Variants in KANSL3 observed in about 807,000 individuals in gnomAD.
KANSL3 encodes KAT8 regulatory NSL complex subunit 3.
Under a neutral mutation model 89.2 loss-of-function variants are expected in KANSL3, and 16 were observed. The ratio of observed to expected loss-of-function variants is 0.18; its 90% CI spans 0.12 to 0.27. The LOEUF is 0.27. Ranked by LOEUF, KANSL3 falls within the 10% of genes least tolerant of loss-of-function variation. KANSL3 has a pLI of 1.00. For missense variants in KANSL3, 879 were observed against 1,110.6 expected (o/e 0.79, Z 2.96); for synonymous variants, 385 against 419.7 (o/e 0.92, Z 1.01).
intron 20 of KANSL3, chr2:96,599,666 A>T (rs1248065918): frequency 2.2e-6 from 1 of 454,824 alleles, no homozygotes; most frequent in African/African-American, 2.1e-5. Context: ...CAGGAATAAC[A>T]TATATGTAAT....
At chr2:96,627,445 C>T (rs988381046) in intron 3 of KANSL3, among the ~76,000 whole-genome samples, 2 of 152,134 alleles carry the variant, frequency 1.3e-5, no homozygotes, top group Non-Finnish European at 2.9e-5. Flanking sequence ...AAACTCCTCA[C>T]CTCAAATTAT....
chr2:96,605,683 C>T (rs939317530), intron 14 of KANSL3, 172 bp from the exon 15 acceptor site: 5 of 523,220 alleles, frequency 9.6e-6, no homozygotes, highest in Non-Finnish European at 1.7e-5. Context: ...GACCACTTCA[C>T]TCAGGCCCTG....
rs758599017 is a variant in KANSL3, at chr2:96,609,562, T to C, written c.1320A>G (p.Arg440=). 1.9e-6 allele frequency: 3 copies of C among 1,612,784 alleles called. No individual in the cohort carries two copies. The Admixed American group carries it at 5.0e-5, about 27-fold the overall frequency. The part of the protein sequence containing the change: ...VVVGGADDNL[R]ISKAKKKSEG... ...CTGATTTCTTCTTTGCTTTGCTTAT[T>C]CTAAGAAACAAAAAGGATGACATGT... The change falls in exon 12 of 21, where the codon AGA becomes AGG. Residue 440 remains arginine, a splice_region_variant and synonymous_variant. Transcript: ENST00000431828.
intron 3 of KANSL3, among the ~76,000 whole-genome samples, chr2:96,625,502 G>T (rs2072123717): frequency 6.6e-6 from 1 of 152,130 alleles, no homozygotes; most frequent in Non-Finnish European, 1.5e-5. Context: ...AAATTATCCT[G>T]TTTTTATTAC....
intron 14 of KANSL3, among the ~76,000 whole-genome samples, chr2:96,608,299 A>G (rs1020515360): frequency 3.9e-5 from 6 of 152,244 alleles, no homozygotes; most frequent in Non-Finnish European, 5.9e-5. Flanking sequence ...AGACAAAGCT[A>G]TAACTAGTGA....
At position 96,622,105 on chromosome 2, in the gene KANSL3, C is replaced by T. The variant is rs1408303183; in HGVS notation, c.387-2343G>A. Among the ~76,000 whole-genome samples, 3 of 137,906 alleles carry T rather than the reference C, an allele frequency of 2.2e-5. No individual in the cohort carries two copies. The East Asian group carries it at 6.9e-4, about 32-fold the overall frequency. 90.5% of individuals were successfully genotyped at this position (137,906 alleles called of 152,430 possible). ...CTCCAGCCTGGGCAACAGAGAGAGACTCCAGCTCAAAAAAAAAAAAAAAAT... is the reference window on the plus strand; with the variant it reads ...CTCCAGCCTGGGCAACAGAGAGAGATTCCAGCTCAAAAAAAAAAAAAAAAT... On this transcript the variant is annotated intron_variant, in intron 3 of 20. Transcript: ENST00000431828.
At chr2:96,629,962 G>A (rs1558775380) in intron 3 of KANSL3, among the ~76,000 whole-genome samples, 1 of 152,164 alleles carries the variant, frequency 6.6e-6, no homozygotes, top group East Asian at 1.9e-4. Context: ...AAACCACAAT[G>A]AGATGCCACT....
At chr2:96,597,650 T>G (rs890177777) in intron 20 of KANSL3, among the ~76,000 whole-genome samples, 1 of 152,200 alleles carries the variant, frequency 6.6e-6, no homozygotes, top group Non-Finnish European at 1.5e-5. Flanking sequence ...TTGCCCAGGC[T>G]GGAGTGCAAT....
At chr2:96,587,335 C>T in the KANSL3 span, among the ~76,000 whole-genome samples, 1 of 152,242 alleles carries the variant, frequency 6.6e-6, no homozygotes, top group Non-Finnish European at 1.5e-5. Context: ...TGCCTAGAAA[C>T]AAGAACATGT....
intron 12 of KANSL3, 148 bp downstream of exon 12, chr2:96,609,351 A>G (rs907316016): frequency 5.3e-6 from 4 of 755,764 alleles, no homozygotes; most frequent in Non-Finnish European, 6.9e-6. Flanking sequence ...CACCACTCTC[A>G]TTTTTCTTTT....
Position 96,637,181 on chromosome 2 carries a change from G to C in KANSL3, c.-46C>G. ...TCAGAGCATGGGTATCTGCATGCTA[G>C]TCACCTGCAGTGAAAAGTTTCAGTT... On this transcript the variant is annotated 5_prime_UTR_variant, in exon 2 of 21. Transcript: ENST00000431828. 1 of 1,234,970 alleles carries C rather than the reference G, an allele frequency of 8.1e-7. No homozygotes were observed. Among genetic ancestry groups the C allele is most frequent in the Non-Finnish European group, 1.1e-6 (1 of 871,018 alleles). The allele number at this position is 1,234,970 out of a possible 1,614,324, so 76.5% of individuals were successfully genotyped here. A position where few individuals can be genotyped will look rare whatever the true frequency, so the allele number is the denominator to read the frequency against.
At chr2:96,619,799 T>C (rs530653477) in intron 3 of KANSL3, 37 bp from the exon 4 acceptor site, 2 of 1,477,104 alleles carry the variant, frequency 1.4e-6, no homozygotes, top group Admixed American at 2.0e-5. Context: ...AGTCAAACCC[T>C]GGGGACGCTC....
rs1160803948 is a variant in KANSL3 at position 96,593,463 on chromosome 2, C to T, written c.*2148G>A. 4.8e-5 allele frequency: 18 copies of T among 375,492 alleles called. No homozygotes were observed. Among genetic ancestry groups the T allele is most frequent in the Admixed American group, 1.4e-4 (4 of 29,512 alleles). The allele number at this position is 375,492 out of a possible 1,614,324, so 23.3% of individuals were successfully genotyped here. A position where few individuals can be genotyped will look rare whatever the true frequency, so the allele number is the denominator to read the frequency against. ...ATGAAATAGGTAAAGCTTCCTTTCGCGTTCCAAGAAATATAGTTTGCGAAG... is the reference window on the plus strand; with the variant it reads ...ATGAAATAGGTAAAGCTTCCTTTCGTGTTCCAAGAAATATAGTTTGCGAAG... On this transcript the variant is annotated 3_prime_UTR_variant, in exon 21 of 21. Coordinates refer to ENST00000431828, the MANE Select transcript of KANSL3 (RefSeq NM_001115016.3).
chr2:96,611,209 G>T, intron 9 of KANSL3, 71 bp from the exon 10 acceptor site: 1 of 1,295,218 alleles, frequency 7.7e-7, no homozygotes, highest in Non-Finnish European at 1.1e-6. Context: ...CAGAATCCAG[G>T]AGTGGTCCAG....
chr2:96,622,455 T>C (rs1231184945), intron 3 of KANSL3, among the ~76,000 whole-genome samples: 3 of 152,140 alleles, frequency 2.0e-5, no homozygotes, highest in Non-Finnish European at 2.9e-5. Flanking sequence ...TAAAGTATTA[T>C]TTTTCACCTA....
Position 96,611,151 on chromosome 2 carries a change from G to A in KANSL3, c.1087-13C>T, listed in dbSNP as rs1240203223. 1.2e-6 allele frequency: 2 copies of A among 1,612,376 alleles called. No individual in the cohort carries two copies. The highest frequency in any genetic ancestry group is 1.7e-5 in the Admixed American group (1 of 60,000). ...CCATTACTGACACCTGTAAATAACA[G>A]AACAGTTTGTCTAAACGTCAACTGA... On this transcript the variant is annotated splice_polypyrimidine_tract_variant and intron_variant, in intron 9 of 20. Transcript: ENST00000431828.
downstream of KANSL3, chr2:96,593,088 T>A: frequency 2.8e-6 from 1 of 362,298 alleles, no homozygotes; most frequent in Non-Finnish European, 5.5e-6. Context: ...ATATCTTAGC[T>A]CTACCTTTGG....
chr2:96,608,712 T>G, intron 13 of KANSL3, 48 bp from the exon 14 acceptor site: 2 of 1,610,306 alleles, frequency 1.2e-6, no homozygotes. Flanking sequence ...TACTAGGATC[T>G]GACCATGAGT....
At chr2:96,606,774 A>C (rs2068044641) in intron 14 of KANSL3, 1 of 305,822 alleles carries the variant, frequency 3.3e-6, no homozygotes. Context: ...CATGAGAAGC[A>C]AACAAAAGAA....
Sources: gnomAD v4.1 joint callset for allele counts (sites outside exome capture counted in the v4.1 genomes callset) on GRCh38, gnomAD v4.1.1 for gene constraint, MANE v1.5 for transcripts, NCBI Gene and HGNC (gene_info 2026-07-23, HGNC 2026-07-21) for gene names.